Variants in RBFOX1 observed in about 807,000 individuals in gnomAD.
The protein encoded by RBFOX1 is RNA binding fox-1 homolog 1.
Under a neutral mutation model 57.7 loss-of-function variants are expected in RBFOX1, and 8 were observed. The observed-to-expected ratio is 0.14, with a 90% CI of 0.08 to 0.25. The LOEUF (loss-of-function observed/expected upper bound fraction) is 0.25, where lower values mean the gene tolerates loss of function less well. Ranked by LOEUF, RBFOX1 falls within the 10% of genes least tolerant of loss-of-function variation. The pLI is 1.00. For missense variants in RBFOX1, 611 were observed against 548.5 expected, an observed-to-expected ratio of 1.11 and a Z score of -1.14; for synonymous variants, 326 against 222.4, an observed-to-expected ratio of 1.47 and a Z score of -4.15.
At chr16:7,403,304 C>G (rs969880464) in intron 4 of RBFOX1, among the ~76,000 whole-genome samples, 1 of 152,044 alleles carries the variant, frequency 6.6e-6, no homozygotes, top group Non-Finnish European at 1.5e-5. Context: ...ATTGTAGTCA[C>G]CGTGCTATAC....
intron 1 of RBFOX1, among the ~76,000 whole-genome samples, chr16:5,301,205 A>T (rs879573177): frequency 2.6e-5 from 4 of 152,212 alleles, no homozygotes; most frequent in Admixed American, 2.0e-4. Flanking sequence ...TTCTAATGGA[A>T]GCCAGCTACC....
intron 12 of RBFOX1, among the ~76,000 whole-genome samples, chr16:7,661,158 C>T (rs2067621367): frequency 6.6e-6 from 1 of 152,180 alleles, no homozygotes; most frequent in South Asian, 2.1e-4. Flanking sequence ...GGCTTTATTT[C>T]ACACTGCCGG....
chr16:6,752,888 C>T (rs2075185355), intron 3 of RBFOX1, among the ~76,000 whole-genome samples: 2 of 151,452 alleles, frequency 1.3e-5, no homozygotes, highest in South Asian at 2.1e-4. Flanking sequence ...TTCCTCTGTT[C>T]TCCCAGAGAA....
chr16:6,922,751 T>G (rs1013570156), intron 3 of RBFOX1, among the ~76,000 whole-genome samples: 2 of 152,188 alleles, frequency 1.3e-5, no homozygotes, highest in African/African-American at 4.8e-5. Flanking sequence ...CATTTTCCAG[T>G]AATTTCCTTA....
intron 2 of RBFOX1, among the ~76,000 whole-genome samples, chr16:5,501,037 CA>C (rs1480646693): frequency 6.6e-6 from 1 of 152,080 alleles, no homozygotes; most frequent in African/African-American, 2.4e-5. Context: ...AAAACACGGC[CA>C]GGCGCGGTGT....
At chr16:7,512,438 A>G (rs1263952171) in intron 4 of RBFOX1, among the ~76,000 whole-genome samples, 6 of 152,226 alleles carry the variant, frequency 3.9e-5, no homozygotes, top group Non-Finnish European at 7.3e-5. Flanking sequence ...TCTTAATTAA[A>G]TATTAGCTGT....
At chr16:5,613,034 A>C (rs767762870) in intron 3 of RBFOX1, among the ~76,000 whole-genome samples, 1 of 152,190 alleles carries the variant, frequency 6.6e-6, no homozygotes, top group African/African-American at 2.4e-5. Flanking sequence ...TCAGGGGCCC[A>C]TGAGAATGGG....
intron 5 of RBFOX1, among the ~76,000 whole-genome samples, chr16:7,564,193 C>G (rs968543586): frequency 1.3e-5 from 2 of 152,176 alleles, no homozygotes; most frequent in East Asian, 1.9e-4. Context: ...AGTATCCATA[C>G]AGGAGGCAGA....
intron 3 of RBFOX1, among the ~76,000 whole-genome samples, chr16:6,673,478 C>G (rs569283324): frequency 6.6e-6 from 1 of 152,082 alleles, no homozygotes; most frequent in Non-Finnish European, 1.5e-5. Context: ...ATCCCAGCTA[C>G]TGGGGAAGTT....
At position 6,349,364 on chromosome 16, in the gene RBFOX1, A is replaced by G. The variant is rs550448629; in HGVS notation, c.-64+32307A>G. Among the ~76,000 whole-genome samples the G allele has an allele frequency of 3.3e-5, 5 of 152,356 alleles. No individual in the cohort carries two copies. The East Asian group carries it at 7.7e-4, about 23-fold the overall frequency. ...AAAAGATGTGCAAGCCATGTTTACC[A>G]TCCACTCTGTGTTTCAAACTTTTGA... On this transcript the variant is annotated intron_variant, in intron 2 of 15. Transcript: ENST00000550418.
At chr16:7,576,615 CAAAGG>C (rs550407506) in intron 5 of RBFOX1, among the ~76,000 whole-genome samples, 118 of 152,286 alleles carry the variant, frequency 7.7e-4, no homozygotes, top group African/African-American at 2.8e-3. Flanking sequence ...ATGTTTTTAT[CAAAGG>C]AAACAATGCA....
chr16:6,726,961 G>A (rs992671), intron 3 of RBFOX1, among the ~76,000 whole-genome samples: 189 of 151,918 alleles, frequency 1.2e-3, no homozygotes, highest in African/African-American at 4.5e-3. Context: ...CACAGCCTAT[G>A]TGCTACCCAG....
chr16:6,346,964 G>T (rs1211908087), intron 2 of RBFOX1, among the ~76,000 whole-genome samples: 2 of 152,114 alleles, frequency 1.3e-5, no homozygotes, highest in African/African-American at 4.8e-5. Context: ...TTCAATGTGT[G>T]TTGTAAGGTG....
At chr16:6,763,729 G>A (rs149992623) in intron 3 of RBFOX1, among the ~76,000 whole-genome samples, 3 of 152,244 alleles carry the variant, frequency 2.0e-5, no homozygotes, top group East Asian at 1.9e-4. Context: ...CTGATAGCAC[G>A]TTTATCATTC....
chr16:6,532,955 C>G (rs1401064056), intron 2 of RBFOX1, among the ~76,000 whole-genome samples: 1 of 152,154 alleles, frequency 6.6e-6, no homozygotes, highest in Non-Finnish European at 1.5e-5. Context: ...GGACAGTCTC[C>G]CAGTGTCCCT....
chr16:7,296,541 C>G (rs1173777730), intron 4 of RBFOX1, among the ~76,000 whole-genome samples: 1 of 152,118 alleles, frequency 6.6e-6, no homozygotes, highest in Admixed American at 6.5e-5. Flanking sequence ...AAAACTAAGG[C>G]TCGGAATGGT....
chr16:6,533,648 A>C (rs923229778), intron 2 of RBFOX1, among the ~76,000 whole-genome samples: 1 of 152,162 alleles, frequency 6.6e-6, no homozygotes, highest in Non-Finnish European at 1.5e-5. Context: ...TCTTTTCAAC[A>C]AATAATCCTG....
At position 6,438,170 on chromosome 16, in the gene RBFOX1, TA is replaced by T. The variant is rs779272712; in HGVS notation, c.-64+121118del. On this transcript the variant is annotated intron_variant, in intron 2 of 15. Coordinates refer to ENST00000550418, the MANE Select transcript of RBFOX1 (RefSeq NM_018723.4). ...TAAACCGAAGTTGGAAAGAAATGTT[TA>T]AAAAGACCGTACAATGTAATAATTA... is the stretch of plus-strand genomic sequence containing the variant. Among the ~76,000 whole-genome samples the T allele has an allele frequency of 3.9e-5, 6 of 152,330 alleles. No homozygotes were observed. The East Asian group carries it at 5.8e-4, about 15-fold the overall frequency.
At chr16:7,683,402 G>A (rs77801714) in intron 14 of RBFOX1, among the ~76,000 whole-genome samples, 1 of 151,754 alleles carries the variant, frequency 6.6e-6, no homozygotes, top group East Asian at 1.9e-4. Flanking sequence ...ATTGCCTTTG[G>A]TCCATAATCT....
Sources: allele counts gnomAD v4.1 joint callset (sites outside exome capture counted in the v4.1 genomes callset), GRCh38; gene constraint gnomAD v4.1.1; transcripts MANE v1.5; gene names NCBI Gene and HGNC (gene_info 2026-07-23, HGNC 2026-07-21).